PRKAR1B: variants seen among roughly 807,000 people sequenced by gnomAD.
The protein encoded by PRKAR1B is protein kinase cAMP-dependent type I regulatory subunit beta, also known as cAMP-dependent protein kinase type I-beta regulatory subunit.
A neutral mutation model predicts 46.5 loss-of-function variants in PRKAR1B; 22 were observed. The observed-to-expected ratio is 0.47, with a 90% CI of 0.34 to 0.68. The LOEUF is 0.68. Among genes scored for constraint, PRKAR1B ranks in the 30% least tolerant of loss-of-function variants. The pLI is 0.01. For synonymous variants in PRKAR1B, 259 were observed against 217.7 expected (o/e 1.19, Z -1.67); for missense variants, 445 against 535.6 (o/e 0.83, Z 1.67).
intron 10 of PRKAR1B, among the ~76,000 whole-genome samples, 191 bp downstream of exon 10, chr7:551,198 G>A (rs1324550144): frequency 6.6e-6 from 1 of 152,160 alleles, no homozygotes; most frequent in Non-Finnish European, 1.5e-5. Context: ...TGGGGACCCA[G>A]ACCTGGCCCT....
chr7:581,312 A>G (rs1391232822), intron 8 of PRKAR1B, among the ~76,000 whole-genome samples: 1 of 151,494 alleles, frequency 6.6e-6, no homozygotes, highest in Non-Finnish European at 1.5e-5. Flanking sequence ...CAAAAAAAAA[A>G]AAAAAAAAAA....
intron 9 of PRKAR1B, among the ~76,000 whole-genome samples, chr7:578,565 C>T (rs1186460300): frequency 6.6e-6 from 1 of 152,242 alleles, no homozygotes; most frequent in Admixed American, 6.5e-5. Context: ...TGTGTACACA[C>T]AGTGCCACGC....
intron 9 of PRKAR1B, among the ~76,000 whole-genome samples, chr7:555,488 C>T (rs1278018737): frequency 6.6e-6 from 1 of 152,168 alleles, no homozygotes; most frequent in East Asian, 1.9e-4. Context: ...TCTTCACACG[C>T]CCTGATAGGA....
rs77752769 is a variant in PRKAR1B, at chr7:549,717, C to T, written c.*713G>A. ...GCCCCTCCCAAAGGAACTTCGAGCC[C>T]GGCCCCCCCTACTGGGGTCTACCTG... On this transcript the variant is annotated 3_prime_UTR_variant, in exon 11 of 11. Coordinates refer to ENST00000537384, the MANE Select transcript of PRKAR1B (RefSeq NM_001164760.2). 0.085 allele frequency: 12,894 copies of T among 152,216 alleles called. 672 individuals are homozygous for T. Among genetic ancestry groups the T allele is most frequent in the East Asian group, 0.2 (1,016 of 5,152 alleles). 9.4% of individuals were successfully genotyped at this position (152,216 alleles called of 1,614,324 possible). A position where few individuals can be genotyped will look rare whatever the true frequency, so the allele number is the denominator to read the frequency against.
intron 4 of PRKAR1B, among the ~76,000 whole-genome samples, chr7:612,946 T>C (rs1488890219): frequency 1.3e-5 from 2 of 152,118 alleles, no homozygotes; most frequent in South Asian, 2.1e-4. Context: ...GTGTGTGTAA[T>C]AATATTCACC....
chr7:670,891 G>A (rs1786212258), intron 4 of PRKAR1B, among the ~76,000 whole-genome samples: 1 of 152,212 alleles, frequency 6.6e-6, no homozygotes, highest in Admixed American at 6.5e-5. Flanking sequence ...TCAGGCAGAG[G>A]GGCTCAGGAC....
intron 4 of PRKAR1B, among the ~76,000 whole-genome samples, chr7:661,205 T>C (rs866809351): frequency 2.7e-3 from 131 of 49,320 alleles, no homozygotes; most frequent in Admixed American, 3.5e-3. Context: ...ACTTACTCTT[T>C]CCCTCCATGG....
chr7:694,351 G>A (rs1022690975), intron 2 of PRKAR1B, among the ~76,000 whole-genome samples: 11 of 152,002 alleles, frequency 7.2e-5, no homozygotes, highest in East Asian at 1.9e-4. Flanking sequence ...GTTTAGACCC[G>A]GGACCAAGAC....
intron 2 of PRKAR1B, among the ~76,000 whole-genome samples, chr7:695,864 G>C (rs1216075721): frequency 1.3e-5 from 2 of 151,642 alleles, no homozygotes; most frequent in Non-Finnish European, 2.9e-5. Context: ...TGGGGTTTCA[G>C]CGTGTTAGCC....
intron 3 of PRKAR1B, among the ~76,000 whole-genome samples, chr7:677,816 G>A (rs1336085531): frequency 2.6e-5 from 4 of 152,134 alleles, no homozygotes; most frequent in South Asian, 2.1e-4. Flanking sequence ...ATCATCATGC[G>A]AACATCACAG....
In PRKAR1B at chr7:607,418, T is replaced by A. The variant is rs1782157201; in HGVS notation, c.475A>T (p.Ile159Phe). 6.2e-7 allele frequency: 1 copy of A among 1,613,846 alleles called. No individual in the cohort carries two copies. The highest frequency in any genetic ancestry group is 1.7e-5 in the Admixed American group (1 of 59,996). The stretch of plus-strand genomic sequence containing the variant: ...TGCTGTATAACAGTCTCCCCAGCGA[T>A]GTGAGTGACAGGGAACATGGCATCG... ...IFDAMFPVTHIAGETVIQQGN... is the reference protein window; with the variant it reads ...IFDAMFPVTHFAGETVIQQGN... Residue 159 changes from isoleucine (I) to phenylalanine (F), a missense_variant, in exon 5 of 11, where the codon ATC (isoleucine) becomes TTC (phenylalanine). Ile to Phe is a conservative substitution (Grantham distance 21, BLOSUM62 0). This residue lies in a region of PRKAR1B where 94 missense variants were observed against 126.9 expected (regional missense o/e 0.74). Transcript: ENST00000537384.
At chr7:719,439 A>C (rs538937317) in intron 1 of PRKAR1B, among the ~76,000 whole-genome samples, 1 of 152,110 alleles carries the variant, frequency 6.6e-6, no homozygotes, top group East Asian at 1.9e-4. Context: ...TCAGCCTCCC[A>C]AGTACCTGGG....
chr7:687,631 A>G (rs1264953550), intron 2 of PRKAR1B, among the ~76,000 whole-genome samples: 1 of 152,228 alleles, frequency 6.6e-6, no homozygotes, highest in Non-Finnish European at 1.5e-5. Context: ...GGGAGAGAAT[A>G]TGGCAGAAGC....
At chr7:672,340 TG>T (rs1233735942) in intron 4 of PRKAR1B, among the ~76,000 whole-genome samples, 1 of 151,694 alleles carries the variant, frequency 6.6e-6, no homozygotes, top group Non-Finnish European at 1.5e-5. Flanking sequence ...TTAGTAGAGA[TG>T]GGGATTCACC....
At chr7:710,015 T>C (rs922083154) in intron 2 of PRKAR1B, among the ~76,000 whole-genome samples, 1 of 152,186 alleles carries the variant, frequency 6.6e-6, no homozygotes, top group South Asian at 2.1e-4. Flanking sequence ...TTATCTCTTC[T>C]TTCCACTTCC....
intron 3 of PRKAR1B, among the ~76,000 whole-genome samples, chr7:680,256 G>T (rs955592640): frequency 2.0e-5 from 3 of 151,988 alleles, no homozygotes; most frequent in Admixed American, 2.0e-4. Flanking sequence ...CAAGGACCTG[G>T]ATGCCAGCGA....
At chr7:694,482 G>C (rs1779615316) in intron 2 of PRKAR1B, among the ~76,000 whole-genome samples, 1 of 152,062 alleles carries the variant, frequency 6.6e-6, no homozygotes, top group Non-Finnish European at 1.5e-5. Flanking sequence ...AGCTTGCCAA[G>C]GAGAGAAGGA....
intron 2 of PRKAR1B, among the ~76,000 whole-genome samples, chr7:693,645 C>G (rs1355787487): frequency 6.6e-6 from 1 of 152,136 alleles, no homozygotes; most frequent in Non-Finnish European, 1.5e-5. Flanking sequence ...TTTGTCCTCT[C>G]GAGCTGACGG....
chr7:606,865 G>T (rs192957796), intron 5 of PRKAR1B, among the ~76,000 whole-genome samples: 1 of 150,164 alleles, frequency 6.7e-6, no homozygotes, highest in Non-Finnish European at 1.5e-5. Context: ...ATACATATAT[G>T]TATCTATTTT....
Sources: allele counts gnomAD v4.1 joint callset (sites outside exome capture counted in the v4.1 genomes callset), GRCh38; gene constraint gnomAD v4.1.1; regional missense constraint gnomAD v4.1.1; transcripts MANE v1.5; gene names NCBI Gene and HGNC (gene_info 2026-07-23, HGNC 2026-07-21).